The following EHMT2 variants were observed in gnomAD, a reference collection of about 807,000 sequenced individuals.
The protein encoded by EHMT2 is euchromatic histone lysine methyltransferase 2, also known as histone-lysine N-methyltransferase EHMT2.
A neutral mutation model predicts 143.3 loss-of-function variants in EHMT2; 59 were observed. The ratio of observed to expected loss-of-function variants is 0.41; its 90% CI spans 0.33 to 0.51. The LOEUF is 0.51. Ranked by LOEUF, EHMT2 falls within the 20% of genes least tolerant of loss-of-function variation. EHMT2 has a pLI of 0.18. For missense variants in EHMT2, 1,174 were observed against 1,645.9 expected (o/e 0.71, Z 4.96); for synonymous variants, 604 against 651.5 (o/e 0.93, Z 1.11).
In EHMT2 at chr6:31,880,762, G is replaced by A. The variant is rs201207803; in HGVS notation, c.3363C>T (p.Pro1121=). 8.2e-5 allele frequency: 132 copies of A among 1,613,862 alleles called. No homozygotes were observed. Among genetic ancestry groups the A allele is most frequent in the Middle Eastern group, 1.6e-4 (1 of 6,084 alleles). ...CTTGGTGCAGCATGAAGACCCGGAC[G>A]GGAATGATGTTGGGGTCACACAGGT... is the stretch of plus-strand genomic sequence containing the variant. The change falls in exon 27 of 28, where the codon CCC becomes CCT. Residue 1121 remains proline, a synonymous_variant. Transcript: ENST00000375537. The surrounding 1 kb of genome is among the most constrained non-coding windows in gnomAD (Gnocchi z 6.6).
Position 31,884,071 on chromosome 6 carries a change from G to GT in EHMT2, c.2772-122dup, listed in dbSNP as rs1562480065. ...GGGGGCAGGGGAGTAAGGTTGCCAG[G>GT]TAAGATGCAGGACAGCGAGTTAACA... On this transcript the variant is annotated intron_variant, in intron 21 of 27. Coordinates refer to ENST00000375537, the Ensembl canonical transcript of EHMT2. This position sits in a 1 kb window ranked among gnomAD's most constrained non-coding sequence, Gnocchi z 7.3. 2.7e-6 allele frequency: 3 copies of GT among 1,115,110 alleles called. No homozygotes were observed. The highest frequency in any genetic ancestry group is 2.7e-5 in the Admixed American group (1 of 36,974). The allele number at this position is 1,115,110 out of a possible 1,614,324, so 69.1% of individuals were successfully genotyped here.
rs754408238 is a variant in EHMT2, at chr6:31,888,366, C to T, written c.1506G>A (p.Thr502=). 31 of 1,612,428 alleles carry T rather than the reference C, an allele frequency of 1.9e-5. No homozygotes were observed. Among genetic ancestry groups the T allele is most frequent in the African/African-American group, 2.7e-5 (2 of 74,916 alleles). The change falls in exon 12 of 28, where the codon ACG becomes ACA. Residue 502 remains threonine (T), a synonymous_variant. Transcript: ENST00000375537. The surrounding 1 kb of genome is among the most constrained non-coding windows in gnomAD (Gnocchi z 7.4). ...GTCTGCCCCACTGGTCACTCACCGC[C>T]GTGCAGAAGTAGCCGCAGCCCGGGC...
intron 4 of EHMT2, 194 bp from the exon 5 acceptor site, chr6:31,893,104 C>A: frequency 1.8e-6 from 1 of 569,710 alleles, no homozygotes; most frequent in Non-Finnish European, 3.1e-6. Context: ...AACACTCACT[C>A]ATCTCTGCAA....
At chr6:31,891,781 GT>G (rs1243979714) in intron 7 of EHMT2, among the ~76,000 whole-genome samples, 1 of 152,058 alleles carries the variant, frequency 6.6e-6, no homozygotes, top group Non-Finnish European at 1.5e-5. Context: ...CATAACGTAT[GT>G]TTTAAAAAAG....
chr6:31,896,868 TC>T (rs1180347771), intron 2 of EHMT2, 44 bp from the exon 3 acceptor site: 1 of 1,611,866 alleles, frequency 6.2e-7, no homozygotes, highest in Admixed American at 1.7e-5. Context: ...GCTCAGGAGA[TC>T]CTGTGTTTAG....
chr6:31,883,144 G>A lies in EHMT2; in HGVS notation c.2995-135C>T, dbSNP rs1251800842. The stretch of plus-strand genomic sequence containing the variant: ...CACAGGCTCTGAGATCCGAGAGCAC[G>A]AAATGCAGGAGCATCATCCCTGGTT... On this transcript the variant is annotated intron_variant, in intron 23 of 27. Coordinates refer to ENST00000375537, the Ensembl canonical transcript of EHMT2. The surrounding 1 kb of genome is among the most constrained non-coding windows in gnomAD (Gnocchi z 5.6). The A allele has an allele frequency of 9.1e-6, 8 of 878,908 alleles. No homozygotes were observed. Among genetic ancestry groups the A allele is most frequent in the African/African-American group, 1.7e-5 (1 of 59,878 alleles). 54.4% of individuals were successfully genotyped at this position (878,908 alleles called of 1,614,324 possible).
chr6:31,895,057 CT>C (rs1271220734), intron 4 of EHMT2, among the ~76,000 whole-genome samples: 1 of 152,216 alleles, frequency 6.6e-6, no homozygotes. Flanking sequence ...TGAATTGCAA[CT>C]ATAAAAATTA....
At chr6:31,897,650 C>G in exon 1 of EHMT2, 1 of 1,166,020 alleles carries the variant, frequency 8.6e-7, no homozygotes, top group Non-Finnish European at 1.1e-6. Context: ...GCGGCCGCCG[C>G]CGCTGCAGCT....
chr6:31,882,817 G>C (rs1173653659), intron 24 of EHMT2, 32 bp from the exon 25 acceptor site: 2 of 1,611,962 alleles, frequency 1.2e-6, no homozygotes, highest in Non-Finnish European at 1.7e-6. Flanking sequence ...CTGTTGGGTG[G>C]AGGCCCTGGA....
chr6:31,888,140 G>C lies in EHMT2; in HGVS notation c.1646C>G (p.Pro549Arg). Residue 549 changes from proline (P) to arginine (R), a missense_variant, in exon 13 of 28, where the codon CCC becomes CGC. Coordinates refer to ENST00000375537, the Ensembl canonical transcript of EHMT2. The surrounding 1 kb of genome is among the most constrained non-coding windows in gnomAD (Gnocchi z 7.4). ...CGGTGGGGTCACCCCGTCACCCCGG[G>C]GGATGGTCACCTCTTGAGCTTCAGA... is the stretch of plus-strand genomic sequence containing the variant. 2 of 1,612,544 alleles carry C rather than the reference G, an allele frequency of 1.2e-6. No individual in the cohort carries two copies. Among genetic ancestry groups the C allele is most frequent in the Non-Finnish European group, 1.7e-6 (2 of 1,179,844 alleles).
At chr6:31,885,041 T>TG (rs1266276582) in intron 18 of EHMT2, 25 bp from the exon 19 acceptor site, 1 of 1,586,390 alleles carries the variant, frequency 6.3e-7, no homozygotes, top group African/African-American at 1.3e-5. Flanking sequence ...GGAGTGAGGG[T>TG]GGGGGCAGCT....
In EHMT2 at chr6:31,888,039, AC is replaced by A; in HGVS notation, c.1745+1del. Reference sequence around the variant, plus strand: ...GACAGTACAGAAGGGGGAGGCCAGTACCTGGGCTGAGAAGTGTCTGCTCTCC... The same window carrying A: ...GACAGTACAGAAGGGGGAGGCCAGTACTGGGCTGAGAAGTGTCTGCTCTCC... On this transcript the variant is annotated splice_donor_variant, in intron 13 of 27. Transcript: ENST00000375537. LOFTEE classifies it high-confidence loss of function. This position sits in a 1 kb window ranked among gnomAD's most constrained non-coding sequence, Gnocchi z 7.4. The A allele has an allele frequency of 6.3e-7, 1 of 1,576,956 alleles. No homozygotes were observed. Among genetic ancestry groups the A allele is most frequent in the Non-Finnish European group, 8.6e-7 (1 of 1,162,022 alleles).
chr6:31,885,668 A>G (rs1445425974), intron 18 of EHMT2: 2 of 152,260 alleles, frequency 1.3e-5, no homozygotes, highest in African/African-American at 2.4e-5. Context: ...GCAGAGAGCT[A>G]TGACTGTCTG....
At chr6:31,896,202 A>T in intron 4 of EHMT2, 61 bp downstream of exon 4, 2 of 1,540,470 alleles carry the variant, frequency 1.3e-6, no homozygotes, top group Non-Finnish European at 1.7e-6. Flanking sequence ...CTTAAGTGAA[A>T]CTGTAAAAGA....
At chr6:31,896,145 C>G (rs1197280055) in intron 4 of EHMT2, 118 bp downstream of exon 4, 1 of 1,412,550 alleles carries the variant, frequency 7.1e-7, no homozygotes, top group Non-Finnish European at 9.6e-7. Context: ...ATTTGACACA[C>G]AGCAGCCCCT....
At chr6:31,893,475 G>A (rs146639678) in intron 4 of EHMT2, 76 of 377,464 alleles carry the variant, frequency 2.0e-4, no homozygotes, top group African/African-American at 1.5e-3. Flanking sequence ...ATGTCACAAT[G>A]CCTAACTAAT....
chr6:31,883,143 C>T lies in EHMT2; in HGVS notation c.2995-134G>A, dbSNP rs1442149486. ...ACACAGGCTCTGAGATCCGAGAGCA[C>T]GAAATGCAGGAGCATCATCCCTGGT... is the stretch of plus-strand genomic sequence containing the variant. On this transcript the variant is annotated intron_variant, in intron 23 of 27. Coordinates refer to ENST00000375537, the Ensembl canonical transcript of EHMT2. This position sits in a 1 kb window ranked among gnomAD's most constrained non-coding sequence, Gnocchi z 5.6. 14 of 886,116 alleles carry T rather than the reference C, an allele frequency of 1.6e-5. No homozygotes were observed. The highest frequency in any genetic ancestry group is 1.5e-4 in the South Asian group (10 of 65,740). The allele number at this position is 886,116 out of a possible 1,614,324, so 54.9% of individuals were successfully genotyped here.
exon 19 of EHMT2, chr6:31,885,008 C>G: frequency 3.7e-6 from 6 of 1,607,066 alleles, no homozygotes; most frequent in African/African-American, 2.7e-5. Context: ...GCGTCCACCC[C>G]CCACTGTCCT....
chr6:31,893,009 C>A, intron 4 of EHMT2, 99 bp from the exon 5 acceptor site: 1 of 690,992 alleles, frequency 1.4e-6, no homozygotes, highest in Non-Finnish European at 2.4e-6. Context: ...GTGAGCCACA[C>A]CTCCAAATGC....
Sources: allele counts gnomAD v4.1 joint callset (sites outside exome capture counted in the v4.1 genomes callset), GRCh38; gene constraint gnomAD v4.1.1; non-coding constraint Gnocchi (gnomAD v3.1); transcripts MANE v1.5; gene names NCBI Gene and HGNC (gene_info 2026-07-23, HGNC 2026-07-21).